The following BACE2 variants were observed in gnomAD, a reference collection of about 807,000 sequenced individuals.
BACE2 encodes the protein beta-secretase 2.
In BACE2, 17 loss-of-function variants were observed where a neutral mutation model predicts 46.2. That is an observed-to-expected ratio of 0.37 (90% CI 0.25 to 0.55). The LOEUF is 0.55. Ranked by LOEUF, BACE2 falls within the 20% of genes least tolerant of loss-of-function variation. The pLI is 0.82. For missense variants in BACE2, 595 were observed against 698.1 expected (o/e 0.85, Z 1.66); for synonymous variants, 277 against 295.9 (o/e 0.94, Z 0.66).
intron 1 of BACE2, among the ~76,000 whole-genome samples, chr21:41,196,335 G>A (rs979475326): frequency 6.6e-6 from 1 of 151,320 alleles, no homozygotes; most frequent in Non-Finnish European, 1.5e-5. Flanking sequence ...AAAAGAGAGA[G>A]AGAGAGAAAT....
chr21:41,189,698 T>G (rs2123510717), intron 1 of BACE2, among the ~76,000 whole-genome samples: 1 of 152,360 alleles, frequency 6.6e-6, no homozygotes, highest in East Asian at 1.9e-4. Context: ...AGTTAAGGAC[T>G]GTATGGAGAC....
At chr21:41,243,202 G>A (rs1339907547) in intron 4 of BACE2, among the ~76,000 whole-genome samples, 174 bp from the exon 5 acceptor site, 3 of 152,170 alleles carry the variant, frequency 2.0e-5, no homozygotes, top group South Asian at 2.1e-4. Context: ...GTGAGCCACC[G>A]CGCCTGGCTC....
intron 3 of BACE2, among the ~76,000 whole-genome samples, chr21:41,239,780 T>C (rs1987236901): frequency 6.6e-6 from 1 of 152,218 alleles, no homozygotes; most frequent in African/African-American, 2.4e-5. Context: ...CAGGGCTGGC[T>C]CATGAACCTT....
chr21:41,216,966 C>G (rs1000173717), intron 1 of BACE2, among the ~76,000 whole-genome samples: 3 of 152,150 alleles, frequency 2.0e-5, no homozygotes, highest in Non-Finnish European at 2.9e-5. Flanking sequence ...GAGTCTCGCT[C>G]TGTCACCCAG....
chr21:41,183,406 C>G (rs1985221804), intron 1 of BACE2: 1 of 167,018 alleles, frequency 6.0e-6, no homozygotes. Flanking sequence ...ACACACATCA[C>G]AATACATGTA....
intron 1 of BACE2, among the ~76,000 whole-genome samples, chr21:41,217,231 A>G (rs1347185221): frequency 6.6e-6 from 1 of 152,160 alleles, no homozygotes; most frequent in African/African-American, 2.4e-5. Flanking sequence ...GCCCGGCCCA[A>G]TCTAGAGCTG....
chr21:41,182,959 T>C (rs1401078375), intron 1 of BACE2: 1 of 166,566 alleles, frequency 6.0e-6, no homozygotes, highest in Non-Finnish European at 1.5e-5. Context: ...TCCCATTTAG[T>C]AACTTCCGGA....
intron 1 of BACE2, among the ~76,000 whole-genome samples, chr21:41,201,086 T>A (rs1366960436): frequency 6.6e-6 from 1 of 152,180 alleles, no homozygotes; most frequent in Non-Finnish European, 1.5e-5. Context: ...CCAGACCATT[T>A]TATATGGGCA....
At chr21:41,258,718 C>T (rs1349819906) in intron 8 of BACE2, among the ~76,000 whole-genome samples, 2 of 152,186 alleles carry the variant, frequency 1.3e-5, no homozygotes, top group Non-Finnish European at 2.9e-5. Flanking sequence ...TAAATAAAAT[C>T]ATCCAACCCA....
intron 6 of BACE2, among the ~76,000 whole-genome samples, chr21:41,249,336 T>G (rs1267027149): frequency 2.5e-4 from 37 of 148,010 alleles, no homozygotes; most frequent in African/African-American, 9.4e-4. Context: ...GAGCCCCACA[T>G]GTACACTTGG....
chr21:41,171,908 G>A (rs1158483888), intron 1 of BACE2, among the ~76,000 whole-genome samples: 1 of 152,194 alleles, frequency 6.6e-6, no homozygotes, highest in Non-Finnish European at 1.5e-5. Flanking sequence ...TTTAATCATG[G>A]TGCATTCACT....
rs1985036000 is a variant in BACE2, at chr21:41,179,700, T to C, written c.312+11125T>C. ...CCTTACAAAGAATGTGAAAACATTGTGCTTCCCTGCTTACAGGCAATTAAA... is the reference window on the plus strand; with the variant it reads ...CCTTACAAAGAATGTGAAAACATTGCGCTTCCCTGCTTACAGGCAATTAAA... On this transcript the variant is annotated intron_variant, in intron 1 of 8. Coordinates refer to ENST00000330333, the MANE Select transcript of BACE2 (RefSeq NM_012105.5). The C allele has an allele frequency of 6.3e-6, 8 of 1,278,122 alleles. No individual in the cohort carries two copies. In the South Asian group the frequency reaches 8.7e-5, roughly 14 times the overall value. 79.2% of individuals were successfully genotyped at this position (1,278,122 alleles called of 1,614,324 possible). A position where few individuals can be genotyped will look rare whatever the true frequency, so the allele number is the denominator to read the frequency against.
intron 1 of BACE2, among the ~76,000 whole-genome samples, chr21:41,199,808 G>A (rs1434079672): frequency 6.6e-6 from 1 of 152,104 alleles, no homozygotes; most frequent in Non-Finnish European, 1.5e-5. Flanking sequence ...GGCGGGGATG[G>A]CTGCCGTTGT....
chr21:41,242,465 C>T (rs903301766), intron 4 of BACE2, among the ~76,000 whole-genome samples: 1 of 152,042 alleles, frequency 6.6e-6, no homozygotes, highest in Non-Finnish European at 1.5e-5. Flanking sequence ...CTCCAGGGGC[C>T]GGCACCCAGA....
At chr21:41,273,889 T>C (rs1214269037) in intron 8 of BACE2, among the ~76,000 whole-genome samples, 2 of 152,278 alleles carry the variant, frequency 1.3e-5, no homozygotes, top group African/African-American at 4.8e-5. Flanking sequence ...TCACAATTTA[T>C]GTTCTTCTGC....
Position 41,237,687 on chromosome 21 carries a change from A to G in BACE2, c.576A>G (p.Lys192=), listed in dbSNP as rs112785186. The change falls in exon 3 of 9, where the codon AAA becomes AAG. Residue 192 remains lysine, a synonymous_variant. Transcript: ENST00000330333. ...AGAATTTCTTTTTGCCTGGGATTAA[A>G]TGGAATGGAATACTTGGCCTAGCTT... ...ESENFFLPGI[K]WNGILGLAYA... 504 of 1,614,176 alleles carry G rather than the reference A, an allele frequency of 3.1e-4. 1 individual carries two copies. The African/African-American group carries it at 5.8e-3, about 19-fold the overall frequency.
chr21:41,261,539 T>C (rs920477834), intron 8 of BACE2, among the ~76,000 whole-genome samples: 6 of 152,080 alleles, frequency 3.9e-5, no homozygotes, highest in African/African-American at 1.4e-4. Context: ...TTTTACTTTG[T>C]TTTGGTGCCT....
rs1032854470 is a variant in BACE2, at chr21:41,278,760, C to T, written c.*3136C>T. 6.6e-6 allele frequency: 1 copy of T among 152,120 alleles called. No individual in the cohort carries two copies. The highest frequency in any genetic ancestry group is 1.9e-4 in the East Asian group (1 of 5,194). The allele number at this position is 152,120 out of a possible 1,614,324, so 9.4% of individuals were successfully genotyped here. A position where few individuals can be genotyped will look rare whatever the true frequency, so the allele number is the denominator to read the frequency against. ...CGCCGGGTGCAAACTTGTTAAATTC[C>T]TCTTTCCCTGTCCCTGCTTGGTGGA... On this transcript the variant is annotated 3_prime_UTR_variant, in exon 9 of 9. Transcript: ENST00000330333.
intron 1 of BACE2, among the ~76,000 whole-genome samples, chr21:41,205,810 G>A (rs139762914): frequency 3.9e-5 from 6 of 152,234 alleles, no homozygotes; most frequent in African/African-American, 7.2e-5. Flanking sequence ...CTGGTCTTCC[G>A]TCTTAACATC....
Sources: allele counts gnomAD v4.1 joint callset (sites outside exome capture counted in the v4.1 genomes callset), GRCh38; gene constraint gnomAD v4.1.1; transcripts MANE v1.5; gene names NCBI Gene and HGNC (gene_info 2026-07-23, HGNC 2026-07-21).